SLC5A10: variants seen among roughly 807,000 people sequenced by gnomAD.
SLC5A10 encodes the protein solute carrier family 5 member 10.
In SLC5A10, 55 loss-of-function variants were observed where a neutral mutation model predicts 68.9. The observed-to-expected ratio is 0.80, with a 90% CI of 0.64 to 1.00. SLC5A10 has a LOEUF of 1.00. SLC5A10 is among the 50% of genes least tolerant of loss of function. SLC5A10 has a pLI of 0.00. For missense variants in SLC5A10, 732 were observed against 819.3 expected, an observed-to-expected ratio of 0.89 and a Z score of 1.30; for synonymous variants, 344 against 344.8, an observed-to-expected ratio of 1.00 and a Z score of 0.02.
chr17:18,955,269 T>C (rs2042475590), intron 1 of SLC5A10, among the ~76,000 whole-genome samples: 1 of 152,124 alleles, frequency 6.6e-6, no homozygotes, highest in Non-Finnish European at 1.5e-5. Flanking sequence ...TCCCCTCGTG[T>C]CCTGATGTGA....
chr17:18,963,745 G>A (rs767434803), intron 5 of SLC5A10, among the ~76,000 whole-genome samples: 1 of 152,242 alleles, frequency 6.6e-6, no homozygotes, highest in Non-Finnish European at 1.5e-5. Flanking sequence ...CAGGAGGACC[G>A]GCGATGGCAG....
intron 7 of SLC5A10, 162 bp from the exon 8 acceptor site, chr17:18,970,851 C>G: frequency 3.3e-6 from 2 of 614,464 alleles, no homozygotes; most frequent in Non-Finnish European, 5.7e-6. Context: ...AAAAAAACAA[C>G]CCTCTACCCT....
rs1018114016 is a variant in SLC5A10 at position 19,016,238 on chromosome 17, G to T, written c.1241+1039G>T. Among the ~76,000 whole-genome samples the T allele has an allele frequency of 8.5e-5, 13 of 152,168 alleles. No homozygotes were observed. The East Asian group carries it at 2.5e-3, about 29-fold the overall frequency. On this transcript the variant is annotated intron_variant, in intron 11 of 14. Coordinates refer to ENST00000395645, the MANE Select transcript of SLC5A10 (RefSeq NM_001042450.4). ...TTTTTGTATTTTTAGTAGAGACAGG[G>T]TCTCACCATGTTGGCCAGGCTGGTC... is the stretch of plus-strand genomic sequence containing the variant.
At chr17:18,958,261 A>G (rs889352453) in intron 1 of SLC5A10, among the ~76,000 whole-genome samples, 2 of 152,114 alleles carry the variant, frequency 1.3e-5, no homozygotes, top group Non-Finnish European at 2.9e-5. Context: ...GGGTCTCACT[A>G]TGTTGCCAGT....
At position 18,986,516 on chromosome 17, in the gene SLC5A10, G is replaced by A. The variant is rs80202505; in HGVS notation, c.982+9527G>A. The stretch of plus-strand genomic sequence containing the variant: ...CAGTTTCTCCATCTGTCTTGTGGGA[G>A]CCTCATCTGAATGACCTCAAGGCCC... On this transcript the variant is annotated intron_variant, in intron 9 of 14. Transcript: ENST00000395645. 9.4e-3 allele frequency among the ~76,000 whole-genome samples: 1,428 copies of A among 152,276 alleles called. 16 individuals are homozygous for A. Among genetic ancestry groups the A allele is most frequent in the African/African-American group, 0.031 (1,298 of 41,544 alleles).
At chr17:18,970,056 T>C (rs1156648847) in intron 7 of SLC5A10, 1 of 152,264 alleles carries the variant, frequency 6.6e-6, no homozygotes, top group Non-Finnish European at 1.5e-5. Context: ...CTGAGCAGTT[T>C]CTAACCCTTG....
At chr17:18,997,809 G>A (rs1008704018) in intron 9 of SLC5A10, among the ~76,000 whole-genome samples, 24 of 152,214 alleles carry the variant, frequency 1.6e-4, no homozygotes, top group African/African-American at 5.8e-4. Flanking sequence ...AGTGAAGGTG[G>A]AGGAGGCGAG....
In SLC5A10 at chr17:19,003,626, A is replaced by G; in HGVS notation, c.983-9784A>G. ...AGCCCGGGTCACGCCGCGGTAGGCG[A>G]TGGTGTCGGGCCAGCCCAGGTCCAG... On this transcript the variant is annotated intron_variant, in intron 9 of 14. Coordinates refer to ENST00000395645, the MANE Select transcript of SLC5A10 (RefSeq NM_001042450.4). This position sits in a 1 kb window ranked among gnomAD's most constrained non-coding sequence, Gnocchi z 4.5. 6.2e-7 allele frequency: 1 copy of G among 1,612,152 alleles called. No homozygotes were observed. The highest frequency in any genetic ancestry group is 8.5e-7 in the Non-Finnish European group (1 of 1,179,440).
In SLC5A10 at chr17:19,017,926, G is replaced by C. The variant is rs1467738290; in HGVS notation, c.1242-1497G>C. 1 of 155,960 alleles carries C rather than the reference G, an allele frequency of 6.4e-6. No homozygotes were observed. The highest frequency in any genetic ancestry group is 1.9e-4 in the East Asian group (1 of 5,258). 9.7% of individuals were successfully genotyped at this position (155,960 alleles called of 1,614,324 possible). A position where few individuals can be genotyped will look rare whatever the true frequency, so the allele number is the denominator to read the frequency against. On this transcript the variant is annotated intron_variant, in intron 11 of 14. Transcript: ENST00000395645. The surrounding 1 kb of genome is among the most constrained non-coding windows in gnomAD (Gnocchi z 5.6). Reference sequence around the variant, plus strand: ...TAAGAAGGCTGGGTAAGAAAGCGAGGGCCTGGCTGGAGTGGCCCCAGCCCT... The same window carrying C: ...TAAGAAGGCTGGGTAAGAAAGCGAGCGCCTGGCTGGAGTGGCCCCAGCCCT...
chr17:18,984,576 A>T (rs961926943), intron 9 of SLC5A10, among the ~76,000 whole-genome samples: 20 of 152,222 alleles, frequency 1.3e-4, no homozygotes, highest in Non-Finnish European at 2.6e-4. Context: ...AGAAACGGGA[A>T]ACGGGTCTGG....
rs2043562052 is a variant in SLC5A10, at chr17:18,996,008, CAA to C, written c.983-17400_983-17399del. 1.3e-5 allele frequency among the ~76,000 whole-genome samples: 2 copies of C among 150,342 alleles called. No individual in the cohort carries two copies. The highest frequency in any genetic ancestry group is 4.2e-4 in the South Asian group (2 of 4,754). ...TAAACAAATCACTTAAAGTCAGTAA[CAA>C]AGAGAGCGTTAAAAACAACCAGAAG... On this transcript the variant is annotated intron_variant, in intron 9 of 14. Transcript: ENST00000395645. This position sits in a 1 kb window ranked among gnomAD's most constrained non-coding sequence, Gnocchi z 4.4.
At chr17:18,958,207 G>A (rs2042541391) in intron 1 of SLC5A10, among the ~76,000 whole-genome samples, 1 of 152,166 alleles carries the variant, frequency 6.6e-6, no homozygotes, top group East Asian at 1.9e-4. Context: ...AGTAGCGGGG[G>A]CCACAGGTGT....
At chr17:18,961,118 C>A (rs950816287) in intron 5 of SLC5A10, among the ~76,000 whole-genome samples, 4 of 152,344 alleles carry the variant, frequency 2.6e-5, no homozygotes, top group African/African-American at 7.2e-5. Flanking sequence ...GCCCTGCCCC[C>A]ACGGGCATAT....
chr17:19,010,044 G>A (rs1449533959), intron 9 of SLC5A10, among the ~76,000 whole-genome samples: 1 of 152,002 alleles, frequency 6.6e-6, no homozygotes, highest in Admixed American at 6.5e-5. Context: ...GAGGGTGGCC[G>A]AGCGAGGTGG....
At position 18,971,573 on chromosome 17, in the gene SLC5A10, C is replaced by G. The variant is rs769798616; in HGVS notation, c.846+355C>G. On this transcript the variant is annotated intron_variant, in intron 8 of 14. Coordinates refer to ENST00000395645, the MANE Select transcript of SLC5A10 (RefSeq NM_001042450.4). This position sits in a 1 kb window ranked among gnomAD's most constrained non-coding sequence, Gnocchi z 5.5. Reference sequence around the variant, plus strand: ...TGGGCTGCCGGGATCCGGAAGCAGGCGGGGTACCTGACCTCCCTTGGCCTG... The same window carrying G: ...TGGGCTGCCGGGATCCGGAAGCAGGGGGGGTACCTGACCTCCCTTGGCCTG... The G allele has an allele frequency of 1.9e-6, 3 of 1,613,480 alleles. No individual in the cohort carries two copies. Among genetic ancestry groups the G allele is most frequent in the Non-Finnish European group, 2.5e-6 (3 of 1,180,006 alleles).
intron 8 of SLC5A10, among the ~76,000 whole-genome samples, chr17:18,973,699 G>A (rs895648783): frequency 6.6e-6 from 1 of 151,898 alleles, no homozygotes; most frequent in African/African-American, 2.4e-5. Context: ...GACCATAGGG[G>A]TGTTTTGCTT....
intron 9 of SLC5A10, among the ~76,000 whole-genome samples, chr17:18,981,109 A>C (rs947227968): frequency 6.6e-6 from 1 of 152,216 alleles, no homozygotes. Context: ...TGTGATGAGG[A>C]TCCCACCTGG....
In SLC5A10 at chr17:19,017,537, G is replaced by GCCT; in HGVS notation, c.1242-1885_1242-1884insCTC. 1.3e-6 allele frequency: 1 copy of GCCT among 750,440 alleles called. No homozygotes were observed. Among genetic ancestry groups the GCCT allele is most frequent in the Non-Finnish European group, 2.2e-6 (1 of 459,636 alleles). The allele number at this position is 750,440 out of a possible 1,614,324, so 46.5% of individuals were successfully genotyped here. A position where few individuals can be genotyped will look rare whatever the true frequency, so the allele number is the denominator to read the frequency against. On this transcript the variant is annotated intron_variant, in intron 11 of 14. Transcript: ENST00000395645. The surrounding 1 kb of genome is among the most constrained non-coding windows in gnomAD (Gnocchi z 5.6). Reference sequence around the variant, plus strand: ...CCGGTGACCCTGATGGCTCTGTCCAGCTGAGCAGAGGCTGGAGGAGCCGTC... The same window carrying GCCT: ...CCGGTGACCCTGATGGCTCTGTCCAGCCTCTGAGCAGAGGCTGGAGGAGCCGTC...
chr17:18,967,342 G>A (rs1328409230), intron 5 of SLC5A10, among the ~76,000 whole-genome samples: 1 of 152,154 alleles, frequency 6.6e-6, no homozygotes, highest in African/African-American at 2.4e-5. Context: ...CACCGTGGAA[G>A]GAAGGGCAGG....
Sources: allele counts gnomAD v4.1 joint callset (sites outside exome capture counted in the v4.1 genomes callset), GRCh38; gene constraint gnomAD v4.1.1; non-coding constraint Gnocchi (gnomAD v3.1); transcripts MANE v1.5; gene names NCBI Gene and HGNC (gene_info 2026-07-23, HGNC 2026-07-21).